Variants in SDK1 observed in about 807,000 individuals in gnomAD.
SDK1 encodes the protein protein sidekick-1.
Under a neutral mutation model 245.5 loss-of-function variants are expected in SDK1, and 157 were observed. The ratio of observed to expected loss-of-function variants is 0.64; its 90% CI spans 0.56 to 0.73. The LOEUF (loss-of-function observed/expected upper bound fraction) is 0.73. SDK1 is among the 30% of genes least tolerant of loss of function. The probability of loss-of-function intolerance (pLI) is 0.00; values close to 1 mark genes in which losing one functional copy is unlikely to be tolerated. For synonymous variants in SDK1, 1,647 were observed against 1,278.5 expected, an observed-to-expected ratio of 1.29 and a Z score of -6.15; for missense variants, 3,583 against 3,002.3, an observed-to-expected ratio of 1.19 and a Z score of -4.52.
intron 1 of SDK1, among the ~76,000 whole-genome samples, chr7:3,524,139 T>A (rs193084064): frequency 7.9e-5 from 12 of 152,308 alleles, no homozygotes; most frequent in Non-Finnish European, 1.3e-4. Flanking sequence ...AGTGGATATG[T>A]GGGGCAAGAA....
intron 13 of SDK1, among the ~76,000 whole-genome samples, chr7:3,980,663 G>A (rs1194198997): frequency 6.6e-6 from 1 of 152,228 alleles, no homozygotes; most frequent in East Asian, 1.9e-4. Flanking sequence ...AGAAATAGTG[G>A]CTGGCCGCAG....
At chr7:3,333,354 C>T (rs1325624422) in intron 1 of SDK1, among the ~76,000 whole-genome samples, 1 of 152,094 alleles carries the variant, frequency 6.6e-6, no homozygotes, top group African/African-American at 2.4e-5. Flanking sequence ...AAGGAGTGTG[C>T]CATTTTCTGC....
At chr7:3,824,966 C>T (rs1034932436) in intron 5 of SDK1, among the ~76,000 whole-genome samples, 2 of 152,066 alleles carry the variant, frequency 1.3e-5, no homozygotes, top group Admixed American at 6.6e-5. Flanking sequence ...GAGGATTTCC[C>T]TGAACTCTCC....
At chr7:3,677,587 G>A (rs1477821070) in intron 4 of SDK1, among the ~76,000 whole-genome samples, 3 of 152,186 alleles carry the variant, frequency 2.0e-5, no homozygotes, top group Middle Eastern at 3.2e-3. Flanking sequence ...TCTCCACCTG[G>A]CCCTGCCCTT....
Position 4,245,804 on chromosome 7 carries a change from A to G in SDK1, c.6380A>G (p.Glu2127Gly), listed in dbSNP as rs1386601560. 6.2e-7 allele frequency: 1 copy of G among 1,613,748 alleles called. No homozygotes were observed. The highest frequency in any genetic ancestry group is 1.7e-5 in the Admixed American group (1 of 59,996). The change falls in exon 44 of 45, where the codon GAG becomes GGG. Residue 2127 changes from glutamate to glycine, a missense_variant and splice_region_variant. Transcript: ENST00000404826. ...AAGTCGGCAGATGCATCAGAATCTG[A>G]GGTCAGTGTCGGTGCCTACTTCCGG... ...KEKSADASESEATDSDYEDAL... is the reference protein window; with the variant it reads ...KEKSADASESGATDSDYEDAL...
At chr7:4,115,112 C>T (rs1783618021) in intron 25 of SDK1, among the ~76,000 whole-genome samples, 1 of 152,160 alleles carries the variant, frequency 6.6e-6, no homozygotes, top group African/African-American at 2.4e-5. Flanking sequence ...TTTTAGAAAC[C>T]CAAAGGAAGG....
chr7:3,439,398 GC>G (rs1426995863), intron 1 of SDK1, among the ~76,000 whole-genome samples: 29 of 152,200 alleles, frequency 1.9e-4, no homozygotes, highest in African/African-American at 7.0e-4. Flanking sequence ...GACTACTGTT[GC>G]GCTCCTTACA....
At chr7:3,337,431 C>G (rs1213245597) in intron 1 of SDK1, among the ~76,000 whole-genome samples, 2 of 150,904 alleles carry the variant, frequency 1.3e-5, no homozygotes, top group Admixed American at 1.3e-4. Flanking sequence ...TGTGTTGTTG[C>G]AGTTTCAGAA....
intron 4 of SDK1, among the ~76,000 whole-genome samples, chr7:3,750,629 A>G (rs2115063805): frequency 6.6e-6 from 1 of 152,302 alleles, no homozygotes; most frequent in African/African-American, 2.4e-5. Context: ...GAAAATGAGC[A>G]AGAGGAAGCA....
Position 4,241,881 on chromosome 7 carries a change from C to A in SDK1, c.6219C>A (p.Val2073=), listed in dbSNP as rs894445710. The A allele has an allele frequency of 1.2e-6, 2 of 1,614,012 alleles. No homozygotes were observed. The highest frequency in any genetic ancestry group is 2.2e-5 in the South Asian group (2 of 91,084). Residue 2073 remains valine (V), a synonymous_variant, in exon 43 of 45, where the codon GTC becomes GTA. Transcript: ENST00000404826. ...ALELSSRHLN[V]KSTFSKKNGT... Reference sequence around the variant, plus strand: ...AGCTCAGCAGCCGCCACCTCAATGTCAAGAGCACCTTCTCCAAGAAGAACG... The same window carrying A: ...AGCTCAGCAGCCGCCACCTCAATGTAAAGAGCACCTTCTCCAAGAAGAACG...
At chr7:3,494,119 C>G (rs1378283622) in intron 1 of SDK1, among the ~76,000 whole-genome samples, 1 of 152,046 alleles carries the variant, frequency 6.6e-6, no homozygotes. Context: ...TAGAGGAAAG[C>G]AAAGTGAAAC....
chr7:3,326,722 G>A (rs1045097680), intron 1 of SDK1, among the ~76,000 whole-genome samples: 8 of 152,106 alleles, frequency 5.3e-5, no homozygotes, highest in Admixed American at 1.3e-4. Flanking sequence ...TACATGCAAT[G>A]GTAGAGTATG....
chr7:3,435,788 G>A (rs571504979), intron 1 of SDK1, among the ~76,000 whole-genome samples: 45 of 152,182 alleles, frequency 3.0e-4, no homozygotes, highest in African/African-American at 9.6e-4. Flanking sequence ...TGCTCTGCTC[G>A]TATTCAGTCT....
At chr7:3,477,715 T>G (rs1190155465) in intron 1 of SDK1, among the ~76,000 whole-genome samples, 2 of 152,012 alleles carry the variant, frequency 1.3e-5, no homozygotes, top group Non-Finnish European at 2.9e-5. Context: ...AGTCCCACTA[T>G]GTTGTTCAGG....
intron 44 of SDK1, among the ~76,000 whole-genome samples, chr7:4,247,856 T>C (rs1339924450): frequency 6.6e-6 from 1 of 152,078 alleles, no homozygotes; most frequent in African/African-American, 2.4e-5. Context: ...GACCCCCGTG[T>C]CTCCAGAGCT....
chr7:3,565,517 A>G (rs1324344585), intron 1 of SDK1, among the ~76,000 whole-genome samples: 4 of 152,246 alleles, frequency 2.6e-5, no homozygotes, highest in Non-Finnish European at 5.9e-5. Context: ...ACTTATAGAA[A>G]GTATGGTCAT....
chr7:3,960,555 G>A (rs1781594204), intron 8 of SDK1, among the ~76,000 whole-genome samples: 1 of 152,202 alleles, frequency 6.6e-6, no homozygotes, highest in Non-Finnish European at 1.5e-5. Flanking sequence ...CCTGGTGGTA[G>A]AGGGAAAGAT....
chr7:3,688,589 C>T (rs1029358940), intron 4 of SDK1, among the ~76,000 whole-genome samples: 4 of 152,192 alleles, frequency 2.6e-5, no homozygotes, highest in African/African-American at 9.7e-5. Context: ...AGACAAATTT[C>T]GTCTTTGTTT....
chr7:3,338,468 A>G (rs1192544663), intron 1 of SDK1: 2 of 514,718 alleles, frequency 3.9e-6, no homozygotes, highest in South Asian at 1.6e-5. Flanking sequence ...GATCAGAAAA[A>G]GAAGGAAGCC....
Sources: allele counts gnomAD v4.1 joint callset (sites outside exome capture counted in the v4.1 genomes callset), GRCh38; gene constraint gnomAD v4.1.1; transcripts MANE v1.5; gene names NCBI Gene and HGNC (gene_info 2026-07-23, HGNC 2026-07-21).